PALLD: variants seen among roughly 807,000 people sequenced by gnomAD.
The protein encoded by PALLD is palladin.
In PALLD, 61 loss-of-function variants were observed where a neutral mutation model predicts 123.5. The ratio of observed to expected loss-of-function variants is 0.49; its 90% CI spans 0.40 to 0.61. The LOEUF is 0.61. Ranked by LOEUF, PALLD falls within the 20% of genes least tolerant of loss-of-function variation. The pLI is 0.00. For missense variants in PALLD, 1,273 were observed against 1,377.0 expected (o/e 0.92, Z 1.20); for synonymous variants, 465 against 496.4 (o/e 0.94, Z 0.84).
At chr4:168,779,829 A>G (rs1011514346) in intron 10 of PALLD, among the ~76,000 whole-genome samples, 3 of 151,492 alleles carry the variant, frequency 2.0e-5, no homozygotes, top group African/African-American at 7.3e-5. Flanking sequence ...TTTCCCTTCA[A>G]ATTCTTTCTA....
intron 2 of PALLD, among the ~76,000 whole-genome samples, chr4:168,554,125 A>C (rs748078558): frequency 1.8e-4 from 28 of 152,286 alleles, no homozygotes; most frequent in Admixed American, 3.9e-4. Flanking sequence ...CGGCTTGTAC[A>C]TGAAGCCCGG....
At chr4:168,895,632 T>C (rs1754964954) in intron 12 of PALLD, among the ~76,000 whole-genome samples, 1 of 152,218 alleles carries the variant, frequency 6.6e-6, no homozygotes, top group Non-Finnish European at 1.5e-5. Flanking sequence ...AAGGTCTTCA[T>C]CCTCATTGTC....
In PALLD at chr4:168,794,517, C is replaced by CACACAT. The variant is rs1325285962; in HGVS notation, c.1964+82599_1964+82600insTACACA. ...ACGCACACACACACGCACACACACA[C>CACACAT]ACACACACACACACACACACACCCC... On this transcript the variant is annotated intron_variant, in intron 10 of 21. Transcript: ENST00000505667. 3.4e-5 allele frequency among the ~76,000 whole-genome samples: 5 copies of CACACAT among 148,252 alleles called. No homozygotes were observed. The East Asian group carries it at 9.7e-4, about 29-fold the overall frequency.
chr4:168,887,192 C>T (rs974121282), intron 10 of PALLD, among the ~76,000 whole-genome samples: 9 of 151,178 alleles, frequency 6.0e-5, no homozygotes, highest in Non-Finnish European at 1.2e-4. Flanking sequence ...TGTAATTATA[C>T]CCTTTGAAAG....
chr4:168,778,997 T>C (rs927641392), intron 10 of PALLD, among the ~76,000 whole-genome samples: 5 of 152,228 alleles, frequency 3.3e-5, no homozygotes, highest in Admixed American at 6.5e-5. Flanking sequence ...TAAGAATACA[T>C]TGACATTGAA....
At chr4:168,697,004 G>A (rs997704360) in intron 8 of PALLD, among the ~76,000 whole-genome samples, 7 of 152,088 alleles carry the variant, frequency 4.6e-5, no homozygotes, top group Non-Finnish European at 7.4e-5. Flanking sequence ...ACCCAGGCAC[G>A]TCATCATGAA....
At chr4:168,874,418 G>A (rs985710423) in intron 10 of PALLD, among the ~76,000 whole-genome samples, 4 of 152,142 alleles carry the variant, frequency 2.6e-5, no homozygotes, top group African/African-American at 9.7e-5. Context: ...AATTATTCTT[G>A]TTGAAAGCTT....
chr4:168,852,246 T>C (rs575348309), intron 10 of PALLD, among the ~76,000 whole-genome samples: 1 of 152,288 alleles, frequency 6.6e-6, no homozygotes, highest in East Asian at 1.9e-4. Flanking sequence ...CCTGCCTTCA[T>C]GCAGTTAAAC....
At chr4:168,508,117 G>A (rs995941352) in intron 1 of PALLD, among the ~76,000 whole-genome samples, 2 of 152,020 alleles carry the variant, frequency 1.3e-5, no homozygotes, top group Non-Finnish European at 2.9e-5. Flanking sequence ...ATACTCTATA[G>A]TTTCAAATGG....
chr4:168,581,211 G>A (rs1001351388), intron 2 of PALLD, among the ~76,000 whole-genome samples: 3 of 151,884 alleles, frequency 2.0e-5, no homozygotes, highest in Non-Finnish European at 2.9e-5. Flanking sequence ...TACCATGAAC[G>A]TGGGAGTGCA....
chr4:168,924,476 A>G, intron 19 of PALLD, 56 bp downstream of exon 19: 5 of 1,429,906 alleles, frequency 3.5e-6, no homozygotes, highest in Non-Finnish European at 4.0e-6. Flanking sequence ...ATGATGTATC[A>G]AAAGATACAT....
intron 10 of PALLD, among the ~76,000 whole-genome samples, chr4:168,725,522 C>CTTTTTTTTTTTTT (rs1210834634): frequency 2.2e-5 from 2 of 91,654 alleles, no homozygotes; most frequent in African/African-American, 4.3e-5. Context: ...TCTTTAATTT[C>CTTTTTTTTTTTTT]TTTTTTTTTT....
At chr4:168,912,968 T>C (rs1365975441) in intron 15 of PALLD, among the ~76,000 whole-genome samples, 3 of 152,206 alleles carry the variant, frequency 2.0e-5, no homozygotes, top group Non-Finnish European at 4.4e-5. Context: ...CCACATATTT[T>C]AGGTATTTAA....
intron 10 of PALLD, among the ~76,000 whole-genome samples, chr4:168,857,080 C>A (rs1199938046): frequency 6.6e-6 from 1 of 152,218 alleles, no homozygotes; most frequent in Non-Finnish European, 1.5e-5. Context: ...TTGGAACCAT[C>A]CTCGTATTTT....
At chr4:168,535,546 G>A (rs1765010695) in intron 2 of PALLD, among the ~76,000 whole-genome samples, 1 of 152,140 alleles carries the variant, frequency 6.6e-6, no homozygotes. Flanking sequence ...TGGGGCTAGG[G>A]GAAGACTTCA....
At chr4:168,809,837 C>T (rs1740801852) in intron 10 of PALLD, among the ~76,000 whole-genome samples, 2 of 147,620 alleles carry the variant, frequency 1.4e-5, no homozygotes, top group South Asian at 4.3e-4. Flanking sequence ...GCACTCCAGC[C>T]TGGGTGACAG....
At chr4:168,820,507 G>T (rs1742563563) in intron 10 of PALLD, among the ~76,000 whole-genome samples, 1 of 152,114 alleles carries the variant, frequency 6.6e-6, no homozygotes, top group African/African-American at 2.4e-5. Flanking sequence ...GACTAGAAAA[G>T]AACATGGAGA....
intron 2 of PALLD, among the ~76,000 whole-genome samples, chr4:168,514,378 G>A (rs944433834): frequency 6.6e-6 from 1 of 152,110 alleles, no homozygotes; most frequent in Non-Finnish European, 1.5e-5. Context: ...ACAGGTGGGC[G>A]ATTTTTTTCC....
intron 2 of PALLD, among the ~76,000 whole-genome samples, chr4:168,589,880 C>T (rs1341747220): frequency 3.9e-5 from 6 of 152,342 alleles, no homozygotes; most frequent in Admixed American, 1.3e-4. Context: ...TGTATACCTG[C>T]GTGCTGCCTC....
Sources: gnomAD v4.1 joint callset for allele counts (sites outside exome capture counted in the v4.1 genomes callset) on GRCh38, gnomAD v4.1.1 for gene constraint, MANE v1.5 for transcripts, NCBI Gene and HGNC (gene_info 2026-07-23, HGNC 2026-07-21) for gene names.